Variants in NLRC5 observed in about 807,000 individuals in gnomAD.
NLRC5 encodes the protein NLR family CARD domain containing 5, also known as protein NLRC5.
NLRC5 carries 114 observed loss-of-function variants against 206.9 expected under a neutral mutation model. The ratio of observed to expected loss-of-function variants is 0.55; its 90% CI spans 0.47 to 0.64. The LOEUF (loss-of-function observed/expected upper bound fraction) is 0.64. Ranked by LOEUF, NLRC5 falls within the 30% of genes least tolerant of loss-of-function variation. The pLI is 0.00. For synonymous variants in NLRC5, 952 were observed against 962.8 expected (o/e 0.99, Z 0.21); for missense variants, 2,008 against 2,305.5 (o/e 0.87, Z 2.64).
Position 57,026,515 on chromosome 16 carries a change from G to A in NLRC5, c.1572G>A (p.Leu524=), listed in dbSNP as rs944973986. 1.2e-6 allele frequency: 2 copies of A among 1,614,096 alleles called. No homozygotes were observed. Among genetic ancestry groups the A allele is most frequent in the Non-Finnish European group, 1.7e-6 (2 of 1,180,044 alleles). The stretch of plus-strand genomic sequence containing the variant: ...GCCTGCAGGAGTTTCTTGCTGCCCT[G>A]CACCTGATGGCCAGCCCCAAGGTGA... ...HLSLQEFLAA[L]HLMASPKVNK... Residue 524 remains leucine, a synonymous_variant, in exon 6 of 49, where the codon CTG becomes CTA. Coordinates refer to ENST00000688547, the MANE Select transcript of NLRC5 (RefSeq NM_001384950.1).
At position 57,059,542 on chromosome 16, in the gene NLRC5, G is replaced by T. The variant is rs1364352083; in HGVS notation, c.3986+10G>T. 1 of 1,606,130 alleles carries T rather than the reference G, an allele frequency of 6.2e-7. No individual in the cohort carries two copies. Among genetic ancestry groups the T allele is most frequent in the Non-Finnish European group, 8.5e-7 (1 of 1,175,354 alleles). ...CTGGGAAGACACTCAGGTAATCCCT[G>T]CAGGGTGATGGGACAGGGGACAGAG... On this transcript the variant is annotated intron_variant, in intron 30 of 48. Transcript: ENST00000688547.
Position 57,077,709 on chromosome 16 carries a change from C to T in NLRC5, c.4920-10C>T. On this transcript the variant is annotated splice_polypyrimidine_tract_variant and intron_variant, in intron 41 of 48. Transcript: ENST00000688547. Reference sequence around the variant, plus strand: ...CATCAGAGGACCTGATGGCTGCCCCCCTCCCACAGCCTCTCAGGGAATAGC... The same window carrying T: ...CATCAGAGGACCTGATGGCTGCCCCTCTCCCACAGCCTCTCAGGGAATAGC... 1 of 1,558,352 alleles carries T rather than the reference C, an allele frequency of 6.4e-7. No homozygotes were observed. The highest frequency in any genetic ancestry group is 8.7e-7 in the Non-Finnish European group (1 of 1,149,852).
chr16:57,022,381 G>A (rs2142974440), intron 4 of NLRC5, 66 bp downstream of exon 4: 1 of 1,393,302 alleles, frequency 7.2e-7, no homozygotes, highest in Non-Finnish European at 1.0e-6. Flanking sequence ...CTTCCAAGCT[G>A]GAGGAGGCTG....
intron 24 of NLRC5, among the ~76,000 whole-genome samples, chr16:57,054,392 A>G (rs2065321005): frequency 6.6e-6 from 1 of 152,160 alleles, no homozygotes; most frequent in Non-Finnish European, 1.5e-5. Context: ...TGCAGGTAAA[A>G]ACAATAGTAA....
At chr16:57,014,988 G>T (rs1181171662) in intron 1 of NLRC5, among the ~76,000 whole-genome samples, 1 of 151,850 alleles carries the variant, frequency 6.6e-6, no homozygotes, top group Non-Finnish European at 1.5e-5. Context: ...GAGTGCGGTG[G>T]CATGATCTTG....
At chr16:57,053,634 T>G (rs2065222258) in intron 24 of NLRC5, among the ~76,000 whole-genome samples, 1 of 152,198 alleles carries the variant, frequency 6.6e-6, no homozygotes, top group Admixed American at 6.5e-5. Flanking sequence ...GTTCAGGCAA[T>G]TCTTGTGCCT....
intron 1 of NLRC5, among the ~76,000 whole-genome samples, chr16:56,993,128 TATATACACACACAC>T (rs1440114079): frequency 2.2e-4 from 32 of 147,136 alleles, no homozygotes; most frequent in African/African-American, 8.1e-4. Flanking sequence ...TGTGTATATA[TATATACACACACAC>T]ACACACACAC....
At chr16:57,049,876 G>T (rs2064620323) in intron 23 of NLRC5, among the ~76,000 whole-genome samples, 1 of 152,142 alleles carries the variant, frequency 6.6e-6, no homozygotes, top group South Asian at 2.1e-4. Context: ...AAAGCACTTT[G>T]TCAACTGTAG....
Position 57,067,417 on chromosome 16 carries a change from C to T in NLRC5, c.4353C>T (p.His1451=), listed in dbSNP as rs2067188408. Residue 1451 remains histidine (H), a synonymous_variant, in exon 35 of 49, where the codon CAC becomes CAT. Transcript: ENST00000688547. ...RLAHCDLGAH[H]SLLVGQLMET... ...CTCACTGTGACCTTGGAGCCCACCA[C>T]AGCCTTCTTGTCGGGCAGCTGATGG... 8 of 1,614,278 alleles carry T rather than the reference C, an allele frequency of 5.0e-6. No individual in the cohort carries two copies. Among genetic ancestry groups the T allele is most frequent in the Non-Finnish European group, 6.8e-6 (8 of 1,180,046 alleles).
intron 8 of NLRC5, 142 bp from the exon 9 acceptor site, chr16:57,029,631 A>C: frequency 1.5e-6 from 1 of 668,648 alleles, no homozygotes; most frequent in Non-Finnish European, 2.7e-6. Flanking sequence ...GCCTGCTGGA[A>C]TCCGGCGAGC....
chr16:57,008,489 T>A (rs1441941305), intron 1 of NLRC5, among the ~76,000 whole-genome samples: 1 of 151,410 alleles, frequency 6.6e-6, no homozygotes, highest in East Asian at 1.9e-4. Context: ...GAACACTTTT[T>A]AAATGTTCAT....
chr16:57,041,624 A>G (rs138361407), intron 18 of NLRC5, 50 bp downstream of exon 18: 1 of 1,460,400 alleles, frequency 6.8e-7, no homozygotes, highest in Non-Finnish European at 9.6e-7. Flanking sequence ...AATTACAGTG[A>G]GTTAGTGTTG....
chr16:57,038,446 G>T (rs1311798920), intron 15 of NLRC5, among the ~76,000 whole-genome samples: 1 of 152,048 alleles, frequency 6.6e-6, no homozygotes, highest in African/African-American at 2.4e-5. Context: ...TTAGTAGAGA[G>T]AGGGTCTTGC....
intron 1 of NLRC5, among the ~76,000 whole-genome samples, chr16:57,007,076 G>A (rs961701205): frequency 6.6e-6 from 1 of 151,910 alleles, no homozygotes; most frequent in Non-Finnish European, 1.5e-5. Flanking sequence ...AAATCAAAAT[G>A]TGCACATTAA....
intron 41 of NLRC5, 22 bp downstream of exon 41, chr16:57,077,401 G>A: frequency 6.2e-7 from 1 of 1,606,810 alleles, no homozygotes; most frequent in Non-Finnish European, 8.5e-7. Context: ...GCCCTACAGA[G>A]GAGGGCCACA....
rs554951988 is a variant in NLRC5, at chr16:56,997,501, C to T, written c.-128+7884C>T. ...GTTAAGAAAACTGTCCAAGGTTGCA[C>T]AGCACTAAAATGTTGAAATCAGGAT... On this transcript the variant is annotated intron_variant, in intron 1 of 48. Transcript: ENST00000688547. 1.1e-4 allele frequency among the ~76,000 whole-genome samples: 17 copies of T among 152,290 alleles called. No homozygotes were observed. The South Asian group carries it at 3.3e-3, about 30-fold the overall frequency.
chr16:57,069,204 G>A (rs941344935), intron 36 of NLRC5, among the ~76,000 whole-genome samples: 4 of 152,216 alleles, frequency 2.6e-5, no homozygotes, highest in South Asian at 2.1e-4. Flanking sequence ...TTTAGCAGCC[G>A]TTAATAAATC....
In NLRC5 at chr16:57,020,677, C is replaced by A. The variant is rs367896722; in HGVS notation, c.-12-24C>A. 3.2e-6 allele frequency: 5 copies of A among 1,578,950 alleles called. No individual in the cohort carries two copies. In the African/African-American group the frequency reaches 7.1e-5, roughly 23 times the overall value. ...CCCAGTTTACCTGTCCCCCTCAACT[C>A]ACCTATCTTCCCTGTCCCTCCAGGG... is the stretch of plus-strand genomic sequence containing the variant. On this transcript the variant is annotated intron_variant, in intron 2 of 48. Transcript: ENST00000688547.
At chr16:57,019,652 C>G (rs2060453059) in intron 2 of NLRC5, among the ~76,000 whole-genome samples, 1 of 152,188 alleles carries the variant, frequency 6.6e-6, no homozygotes, top group South Asian at 2.1e-4. Context: ...TGCCCAAGAT[C>G]CAGCCATCCC....
Sources: gnomAD v4.1 joint callset for allele counts (sites outside exome capture counted in the v4.1 genomes callset) on GRCh38, gnomAD v4.1.1 for gene constraint, MANE v1.5 for transcripts, NCBI Gene and HGNC (gene_info 2026-07-23, HGNC 2026-07-21) for gene names.